Variants in VWA2 observed in about 807,000 individuals in gnomAD.
VWA2 encodes von Willebrand factor A domain containing 2.
VWA2 carries 73 observed loss-of-function variants against 70.4 expected under a neutral mutation model. The ratio of observed to expected loss-of-function variants is 1.04; its 90% CI spans 0.86 to 1.26. The LOEUF (loss-of-function observed/expected upper bound fraction) is 1.26. Among genes scored for constraint, VWA2 ranks in the 50% most tolerant of loss-of-function variants. The pLI is 0.00. For synonymous variants in VWA2, 407 were observed against 423.3 expected, an observed-to-expected ratio of 0.96 and a Z score of 0.47; for missense variants, 1,011 against 998.5, an observed-to-expected ratio of 1.01 and a Z score of -0.17.
At chr10:114,282,929 G>A (rs183943717) in intron 9 of VWA2, among the ~76,000 whole-genome samples, 5 of 152,298 alleles carry the variant, frequency 3.3e-5, no homozygotes, top group East Asian at 3.9e-4. Flanking sequence ...TGGTTTGTCC[G>A]ATGTCTGGAA....
intron 1 of VWA2, chr10:114,246,662 A>G: frequency 6.4e-7 from 1 of 1,555,512 alleles, no homozygotes; most frequent in Non-Finnish European, 8.9e-7. Context: ...ATCACAGCAA[A>G]TTCATCAAAA....
intron 6 of VWA2, among the ~76,000 whole-genome samples, chr10:114,276,673 ATTTTTTTTTTTTT>A (rs34808735): frequency 1.8e-5 from 2 of 113,696 alleles, no homozygotes; most frequent in Non-Finnish European, 1.8e-5. Flanking sequence ...ACACCCAGCA[ATTTTTTTTTTTTT>A]TTTTTTTTTT....
intron 1 of VWA2, among the ~76,000 whole-genome samples, chr10:114,243,921 T>C (rs370187894): frequency 1.3e-5 from 2 of 152,154 alleles, no homozygotes; most frequent in African/African-American, 2.4e-5. Context: ...GTTGAGGAGA[T>C]CAGGGGCGTG....
At chr10:114,282,914 C>T (rs79419537) in intron 9 of VWA2, among the ~76,000 whole-genome samples, 3,604 of 152,270 alleles carry the variant, frequency 0.024, 155 homozygotes, top group African/African-American at 0.083. Flanking sequence ...CTCTATAAAA[C>T]ATAGTGGTTT....
chr10:114,256,386 A>G (rs966160070), intron 4 of VWA2, among the ~76,000 whole-genome samples: 1 of 152,208 alleles, frequency 6.6e-6, no homozygotes, highest in Non-Finnish European at 1.5e-5. Flanking sequence ...TATGTAAAAG[A>G]TAAAGGGGGA....
chr10:114,239,741 C>T (rs569620499), intron 1 of VWA2, among the ~76,000 whole-genome samples, 172 bp downstream of exon 1: 1 of 152,338 alleles, frequency 6.6e-6, no homozygotes, highest in African/African-American at 2.4e-5. Context: ...ATTGTCTGCG[C>T]GCACCTGAGC....
At chr10:114,272,491 C>T (rs1045528977) in intron 5 of VWA2, among the ~76,000 whole-genome samples, 2 of 152,160 alleles carry the variant, frequency 1.3e-5, no homozygotes, top group Non-Finnish European at 2.9e-5. Flanking sequence ...GAAAAACACA[C>T]CCAACACACA....
intron 5 of VWA2, among the ~76,000 whole-genome samples, chr10:114,272,257 A>G (rs1177305084): frequency 6.6e-6 from 1 of 152,228 alleles, no homozygotes; most frequent in Non-Finnish European, 1.5e-5. Context: ...CATGGCCCAC[A>G]AAGGCCTGGA....
At chr10:114,247,189 G>GA (rs78485491) in intron 1 of VWA2, among the ~76,000 whole-genome samples, 1,914 of 139,022 alleles carry the variant, frequency 0.014, 25 homozygotes, top group African/African-American at 0.045. Context: ...TTTTAAGTGT[G>GA]AAAAAAAAAA....
At chr10:114,243,589 G>A (rs559992713) in intron 1 of VWA2, among the ~76,000 whole-genome samples, 67 of 151,146 alleles carry the variant, frequency 4.4e-4, no homozygotes, top group South Asian at 8.4e-4. Context: ...GGCTGCCAAC[G>A]GCTAATCTAT....
Position 114,290,321 on chromosome 10 carries a change from G to A in VWA2, c.2204G>A (p.Arg735His), listed in dbSNP as rs142603181. ...GSCVLQNGSY[R>H]CKCRDGWEGP... ...TGCGTCCTGCAGAATGGGAGCTACCGCTGCAAGTGTCGGGATGGCTGGGAG... is the reference window on the plus strand; with the variant it reads ...TGCGTCCTGCAGAATGGGAGCTACCACTGCAAGTGTCGGGATGGCTGGGAG... Residue 735 changes from arginine (R) to histidine (H), a missense_variant, in exon 13 of 14, where the codon CGC becomes CAC. By Grantham distance (29) the Arg-to-His change is conservative (BLOSUM62 0). Coordinates refer to ENST00000392982, the MANE Select transcript of VWA2 (RefSeq NM_001272046.2). 3.5e-4 allele frequency: 547 copies of A among 1,550,596 alleles called. 8 individuals are homozygous for A. In the East Asian group the frequency reaches 7.2e-3, roughly 20 times the overall value.
intron 11 of VWA2, 28 bp from the exon 12 acceptor site, chr10:114,288,910 G>C (rs1488253973): frequency 6.3e-7 from 1 of 1,577,946 alleles, no homozygotes; most frequent in South Asian, 1.2e-5. Flanking sequence ...CACATCCACT[G>C]CTGAAGCCCC....
Position 114,278,733 on chromosome 10 carries a change from G to A in VWA2, c.715G>A (p.Ala239Thr), listed in dbSNP as rs1202584893. Residue 239 changes from alanine to threonine, a missense_variant, in exon 8 of 14, where the codon GCT becomes ACT. Coordinates refer to ENST00000392982, the MANE Select transcript of VWA2 (RefSeq NM_001272046.2). ...SSATPDCRVE[A>T]HPCEHRTLEM... ...TGTGGACACAGACTGCAGGGTCGAG[G>A]CTCACCCCTGTGAGCACAGGACGCT... 4.3e-6 allele frequency: 7 copies of A among 1,613,988 alleles called. No homozygotes were observed. Among genetic ancestry groups the A allele is most frequent in the Non-Finnish European group, 5.9e-6 (7 of 1,180,028 alleles).
chr10:114,244,932 G>A (rs1184804985), intron 1 of VWA2, among the ~76,000 whole-genome samples: 1 of 152,186 alleles, frequency 6.6e-6, no homozygotes, highest in Non-Finnish European at 1.5e-5. Context: ...CTATACATCA[G>A]GCACATGCAG....
At chr10:114,261,109 T>C in intron 4 of VWA2, 77 bp from the exon 5 acceptor site, 7 of 1,078,556 alleles carry the variant, frequency 6.5e-6, no homozygotes, top group Non-Finnish European at 9.9e-6. Flanking sequence ...TTGTTAACTT[T>C]TCTTGCCCCT....
In VWA2 at chr10:114,278,043, G is replaced by A. The variant is rs1287177474; in HGVS notation, c.696G>A (p.Thr232=). Residue 232 remains threonine, a synonymous_variant, in exon 7 of 14, where the codon ACG becomes ACA. Coordinates refer to ENST00000392982, the MANE Select transcript of VWA2 (RefSeq NM_001272046.2). ...GCTCGGCCATCTGCTCCAGCGCCAC[G>A]CCAGGTAAGATCTTCCAGCCTGGAG... ...LSSSAICSSA[T]PDCRVEAHPC... 6 of 1,610,064 alleles carry A rather than the reference G, an allele frequency of 3.7e-6. No homozygotes were observed. The highest frequency in any genetic ancestry group is 1.3e-5 in the African/African-American group (1 of 74,882).
intron 1 of VWA2, chr10:114,246,824 G>A (rs1430784458): frequency 5.0e-5 from 45 of 894,740 alleles, no homozygotes; most frequent in Middle Eastern, 3.3e-4. Flanking sequence ...AATCTAGAGC[G>A]CTACAAGAAA....
intron 4 of VWA2, among the ~76,000 whole-genome samples, chr10:114,256,909 C>CAAAA (rs1191231574): frequency 9.1e-5 from 5 of 54,780 alleles, no homozygotes; most frequent in African/African-American, 1.3e-4. Flanking sequence ...AACACCGTCT[C>CAAAA]AAAAAAAAAA....
At chr10:114,274,407 A>G (rs10885541) in intron 6 of VWA2, among the ~76,000 whole-genome samples, 39,900 of 152,098 alleles carry the variant, frequency 0.26, 5,747 homozygotes, top group African/African-American at 0.37. Flanking sequence ...GGCCTTTGGC[A>G]TGGCTCACAA....
Sources: gnomAD v4.1 joint callset for allele counts (sites outside exome capture counted in the v4.1 genomes callset) on GRCh38, gnomAD v4.1.1 for gene constraint, MANE v1.5 for transcripts, NCBI Gene and HGNC (gene_info 2026-07-23, HGNC 2026-07-21) for gene names.